CEP170B: variants seen among roughly 807,000 people sequenced by gnomAD.
The protein encoded by CEP170B is centrosomal protein of 170 kDa protein B.
CEP170B carries 55 observed loss-of-function variants against 120.6 expected under a neutral mutation model. The observed-to-expected ratio is 0.46, with a 90% CI of 0.37 to 0.57. The LOEUF is 0.57. Among genes scored for constraint, CEP170B ranks in the 20% least tolerant of loss-of-function variants. CEP170B has a pLI of 0.00. For missense variants in CEP170B, 2,212 were observed against 2,253.3 expected, an observed-to-expected ratio of 0.98 and a Z score of 0.37; for synonymous variants, 1,033 against 954.5, an observed-to-expected ratio of 1.08 and a Z score of -1.52.
chr14:104,884,030 G>A lies in CEP170B; in HGVS notation c.1251G>A (p.Lys417=). 3 of 1,610,816 alleles carry A rather than the reference G, an allele frequency of 1.9e-6. No homozygotes were observed. The highest frequency in any genetic ancestry group is 2.5e-6 in the Non-Finnish European group (3 of 1,178,894). Residue 417 remains lysine, a synonymous_variant, in exon 9 of 19, where the codon AAG becomes AAA. Coordinates refer to ENST00000414716, the MANE Select transcript of CEP170B (RefSeq NM_001112726.3). ...EFFDEDTPRK[K]RSQSFTHSPS... ...TCGACGAGGACACACCCCGAAAGAA[G>A]CGCTCCCAGTCCTTCACGCACAGCC...
intron 4 of CEP170B, 141 bp downstream of exon 4, chr14:104,878,104 TC>T (rs1410209786): frequency 4.2e-6 from 3 of 709,938 alleles, no homozygotes; most frequent in Non-Finnish European, 7.1e-6. Flanking sequence ...AGGGCTGGGC[TC>T]CACCTGCTGA....
At chr14:104,888,148 C>T (rs1466647206) in intron 12 of CEP170B, among the ~76,000 whole-genome samples, 170 bp downstream of exon 12, 1 of 152,202 alleles carries the variant, frequency 6.6e-6, no homozygotes, top group Non-Finnish European at 1.5e-5. Context: ...TGCACACACA[C>T]ACGTGCATGG....
rs1391404631 is a variant in CEP170B at position 104,886,751 on chromosome 14, G to A, written c.2512G>A (p.Val838Ile). 2 of 1,611,358 alleles carry A rather than the reference G, an allele frequency of 1.2e-6. No individual in the cohort carries two copies. Among genetic ancestry groups the A allele is most frequent in the Non-Finnish European group, 1.7e-6 (2 of 1,179,434 alleles). ...PSPPARDGVY[V>I]SANGRMVIQL... is the part of the protein sequence containing the mutation. ...CCCCCCAGCACGGGATGGCGTCTAT[G>A]TCAGTGCCAATGGGAGAATGGTCAT... Residue 838 changes from valine (V) to isoleucine (I), a missense_variant, in exon 12 of 19, where the codon GTC becomes ATC. Transcript: ENST00000414716.
Position 104,886,928 on chromosome 14 carries a change from G to A in CEP170B, c.2689G>A (p.Ala897Thr), listed in dbSNP as rs758620472. ...CCACCCGCTTCTACAGGACCTGGCC[G>A]CTACCCGGGCCGCACGCATGGACTT... Reference protein sequence around the residue: ...SSHPLLQDLAATRAARMDFHS... With the variant: ...SSHPLLQDLATTRAARMDFHS... Residue 897 changes from alanine (A) to threonine (T), a missense_variant, in exon 12 of 19, where the codon GCT (alanine) becomes ACT (threonine). Around this residue, in one of 2 missense-constraint regions of CEP170B, gnomAD observed 2,166 missense variants for 2,166.7 expected, o/e 1.00. Transcript: ENST00000414716. 56 of 1,609,086 alleles carry A rather than the reference G, an allele frequency of 3.5e-5. 1 individual carries two copies. In the South Asian group the frequency reaches 3.5e-4, roughly 10 times the overall value.
chr14:104,887,268 G>A lies in CEP170B; in HGVS notation c.3029G>A (p.Arg1010Lys), dbSNP rs1896574314. Reference protein sequence around the residue: ...LVSAREQSSERQHHPLGPTDM... With the variant: ...LVSAREQSSEKQHHPLGPTDM... ...AGTGCCCGTGAGCAGTCCTCAGAGA[G>A]GCAGCATCACCCACTTGGCCCGACG... is the stretch of plus-strand genomic sequence containing the variant. Residue 1010 changes from arginine to lysine, a missense_variant, in exon 12 of 19, where the codon AGG (arginine) becomes AAG (lysine). By Grantham distance (26) the Arg-to-Lys change is conservative. Around this residue, in one of 2 missense-constraint regions of CEP170B, gnomAD observed 2,166 missense variants for 2,166.7 expected, o/e 1.00. Coordinates refer to ENST00000414716, the MANE Select transcript of CEP170B (RefSeq NM_001112726.3). The A allele has an allele frequency of 2.5e-6, 4 of 1,608,522 alleles. No homozygotes were observed. Among genetic ancestry groups the A allele is most frequent in the Middle Eastern group, 3.3e-4 (2 of 6,062 alleles).
rs768412212 is a variant in CEP170B, at chr14:104,884,588, G to A, written c.1770+39G>A. 2.8e-5 allele frequency: 39 copies of A among 1,385,142 alleles called. No homozygotes were observed. In the Admixed American group the frequency reaches 4.1e-4, roughly 14 times the overall value. 85.8% of individuals were successfully genotyped at this position (1,385,142 alleles called of 1,614,324 possible). A position where few individuals can be genotyped will look rare whatever the true frequency, so the allele number is the denominator to read the frequency against. On this transcript the variant is annotated intron_variant, in intron 9 of 18. Transcript: ENST00000414716. ...GCGAGTGAGAGCCCTCGTGGGGAAC[G>A]GGGGGGTGGAGGCGATGCCGGGGGT...
intron 2 of CEP170B, among the ~76,000 whole-genome samples, chr14:104,872,188 G>A (rs1233476203): frequency 8.7e-5 from 12 of 138,168 alleles, no homozygotes; most frequent in African/African-American, 1.7e-4. Flanking sequence ...TGTGTGTGCT[G>A]TGTGTGTGCC....
rs1214020393 is a variant in CEP170B at position 104,885,380 on chromosome 14, G to T, written c.1782G>T (p.Val594=). The change falls in exon 10 of 19, where the codon GTG becomes GTT. Residue 594 remains valine, a synonymous_variant. Coordinates refer to ENST00000414716, the MANE Select transcript of CEP170B (RefSeq NM_001112726.3). The part of the protein sequence containing the change: ...ARKMIDQVFG[V]LESPELSRAS... ...TTTCCTCTTGGCAGGTCTTTGGGGT[G>T]TTGGAGTCCCCTGAACTCTCCAGGG... is the stretch of plus-strand genomic sequence containing the variant. 9.6e-6 allele frequency: 15 copies of T among 1,565,086 alleles called. No homozygotes were observed. Among genetic ancestry groups the T allele is most frequent in the African/African-American group, 2.7e-5 (2 of 73,438 alleles).
At chr14:104,894,414 C>G in intron 17 of CEP170B, 36 bp downstream of exon 17, 1 of 1,607,472 alleles carries the variant, frequency 6.2e-7, no homozygotes, top group Non-Finnish European at 8.5e-7. Flanking sequence ...TGGCCTGCCC[C>G]CAGCCAGCCT....
At chr14:104,878,975 C>T (rs11850207) in intron 5 of CEP170B, among the ~76,000 whole-genome samples, 7,146 of 152,230 alleles carry the variant, frequency 0.047, 582 homozygotes, top group African/African-American at 0.16. Flanking sequence ...GGGGCTGAGG[C>T]GGGGGCCAGC....
At chr14:104,892,472 A>G (rs1239752419) in intron 13 of CEP170B, among the ~76,000 whole-genome samples, 1 of 52,330 alleles carries the variant, frequency 1.9e-5, no homozygotes, top group Non-Finnish European at 4.1e-5. Flanking sequence ...GCCCAGCCCC[A>G]CCCTCTGCCC....
At position 104,895,179 on chromosome 14, in the gene CEP170B, C is replaced by T. The variant is rs1210974467; in HGVS notation, c.*221C>T. The T allele has an allele frequency of 7.5e-6, 4 of 532,208 alleles. No individual in the cohort carries two copies. The highest frequency in any genetic ancestry group is 2.9e-5 in the South Asian group (1 of 34,452). The allele number at this position is 532,208 out of a possible 1,614,324, so 33.0% of individuals were successfully genotyped here. On this transcript the variant is annotated 3_prime_UTR_variant, in exon 19 of 19. Coordinates refer to ENST00000414716, the MANE Select transcript of CEP170B (RefSeq NM_001112726.3). ...CATGGCCACCCCCACCCCTGCCTCG[C>T]CCCCTACAGGCCTCTGGGCCCAGCT...
rs368368710 is a variant in CEP170B, at chr14:104,883,111, G to A, written c.654G>A (p.Ser218=). 1.1e-5 allele frequency: 18 copies of A among 1,590,082 alleles called. No individual in the cohort carries two copies. Among genetic ancestry groups the A allele is most frequent in the East Asian group, 2.3e-5 (1 of 43,902 alleles). ...FRAPAEPQGC[S]FRREPSYFEI... is the part of the protein sequence containing the mutation. ...CCCCTGCTGAGCCTCAGGGCTGCTC[G>A]TTCCGGCGGGAGCCCAGCTACTTCG... The change falls in exon 8 of 19, where the codon TCG becomes TCA. Residue 218 remains serine (S), a synonymous_variant. Coordinates refer to ENST00000414716, the MANE Select transcript of CEP170B (RefSeq NM_001112726.3).
chr14:104,885,928 G>GCC, intron 10 of CEP170B, 112 bp from the exon 11 acceptor site: 1 of 935,108 alleles, frequency 1.1e-6, no homozygotes, highest in Non-Finnish European at 1.6e-6. Context: ...TGGGTGGCGC[G>GCC]CATGCGTGGG....
rs200246088 is a variant in CEP170B at position 104,886,675 on chromosome 14, G to A, written c.2436G>A (p.Pro812=). 548 of 1,544,690 alleles carry A rather than the reference G, an allele frequency of 3.5e-4. No homozygotes were observed. The highest frequency in any genetic ancestry group is 1.8e-3 in the Middle Eastern group (10 of 5,708). ...QNGDAVLSRK[P]LAAPGDGEGL... is the part of the protein sequence containing the mutation. ...GGGACGCTGTGTTATCTAGGAAACC[G>A]CTTGCGGCTCCAGGGGATGGGGAGG... Residue 812 remains proline (P), a synonymous_variant, in exon 12 of 19, where the codon CCG becomes CCA. Transcript: ENST00000414716.
At chr14:104,874,966 C>T (rs1436569428) in intron 2 of CEP170B, among the ~76,000 whole-genome samples, 1 of 152,250 alleles carries the variant, frequency 6.6e-6, no homozygotes, top group East Asian at 1.9e-4. Context: ...CCAACTAGCC[C>T]CTGCTGTGTG....
chr14:104,880,756 A>G (rs1896107474), intron 6 of CEP170B, among the ~76,000 whole-genome samples: 1 of 151,646 alleles, frequency 6.6e-6, no homozygotes. Flanking sequence ...CCCTGTGCAC[A>G]CCTACCCATA....
intron 13 of CEP170B, 132 bp downstream of exon 13, chr14:104,889,890 CTGGA>C: frequency 1.2e-6 from 1 of 853,732 alleles, no homozygotes; most frequent in Non-Finnish European, 1.8e-6. Flanking sequence ...GGCTGGCTGG[CTGGA>C]TGGATGGACA....
At chr14:104,882,542 G>A (rs1401367285) in intron 6 of CEP170B, among the ~76,000 whole-genome samples, 186 bp from the exon 7 acceptor site, 3 of 152,110 alleles carry the variant, frequency 2.0e-5, no homozygotes, top group Non-Finnish European at 4.4e-5. Context: ...GGGCCAGTGA[G>A]CCACCTCGGA....
Sources: gnomAD v4.1 joint callset for allele counts (sites outside exome capture counted in the v4.1 genomes callset) on GRCh38, gnomAD v4.1.1 for gene constraint, gnomAD v4.1.1 regional missense constraint, MANE v1.5 for transcripts, NCBI Gene and HGNC (gene_info 2026-07-23, HGNC 2026-07-21) for gene names.